The following TAFA4 variants were observed in gnomAD, a reference collection of about 807,000 sequenced individuals.
TAFA4 encodes chemokine-like protein TAFA-4.
TAFA4 carries 20 observed loss-of-function variants against 21.1 expected under a neutral mutation model. The observed-to-expected ratio is 0.95, with a 90% CI of 0.67 to 1.38. The LOEUF is 1.38. Among genes scored for constraint, TAFA4 ranks in the 40% most tolerant of loss-of-function variants. The pLI is 0.00. For synonymous variants in TAFA4, 71 were observed against 67.4 expected, an observed-to-expected ratio of 1.05 and a Z score of -0.26; for missense variants, 211 against 180.9, an observed-to-expected ratio of 1.17 and a Z score of -0.95.
chr3:68,931,996 T>A (rs2090163863), intron 1 of TAFA4, among the ~76,000 whole-genome samples: 1 of 151,978 alleles, frequency 6.6e-6, no homozygotes, highest in Non-Finnish European at 1.5e-5. Flanking sequence ...GGCCGCTGCC[T>A]CTCTCCAGCC....
chr3:68,829,582 C>T (rs545446394), intron 3 of TAFA4, among the ~76,000 whole-genome samples: 5 of 152,120 alleles, frequency 3.3e-5, no homozygotes, highest in South Asian at 2.1e-4. Flanking sequence ...CTGCTGGATT[C>T]GGTTTGCCAG....
intron 1 of TAFA4, among the ~76,000 whole-genome samples, chr3:68,910,479 T>C (rs2089951103): frequency 6.6e-6 from 1 of 152,062 alleles, no homozygotes; most frequent in Non-Finnish European, 1.5e-5. Flanking sequence ...CAACAACAAA[T>C]ATAGTAAGAT....
chr3:68,875,928 A>AAG (rs554609041), intron 3 of TAFA4, among the ~76,000 whole-genome samples: 7 of 151,962 alleles, frequency 4.6e-5, no homozygotes, highest in African/African-American at 1.5e-4. Flanking sequence ...AAAAAAAAAA[A>AAG]AGAGAGAGAG....
intron 3 of TAFA4, among the ~76,000 whole-genome samples, chr3:68,831,439 C>T (rs1032611639): frequency 1.3e-4 from 20 of 152,156 alleles, no homozygotes; most frequent in Non-Finnish European, 2.9e-4. Flanking sequence ...TTCTCCTTCA[C>T]TTATGAAGCT....
rs186662782 is a variant in TAFA4 at position 68,862,103 on chromosome 3, G to A, written c.130+18627C>T. Among the ~76,000 whole-genome samples the A allele has an allele frequency of 3.0e-4, 46 of 151,890 alleles. 1 individual carries two copies. The highest frequency in any genetic ancestry group is 3.3e-4 in the Admixed American group (5 of 15,256). ...ACAGCTTCCCAAGTGACCACCACAC[G>A]CTTTCCCTGTGGGGAAATAGTTTTC... is the stretch of plus-strand genomic sequence containing the variant. On this transcript the variant is annotated intron_variant, in intron 3 of 5. Transcript: ENST00000295569.
Position 68,824,079 on chromosome 3 carries a change from C to T in TAFA4, c.130+56651G>A, listed in dbSNP as rs112160428. On this transcript the variant is annotated intron_variant, in intron 3 of 5. Transcript: ENST00000295569. ...ATGCCACAGTGATCATACCCAAGTA[C>T]CAGGAAGGAAGCTGAAAGCTGGAGA... Among the ~76,000 whole-genome samples the T allele has an allele frequency of 7.7e-4, 117 of 152,252 alleles. 1 individual carries two copies. The highest frequency in any genetic ancestry group is 2.6e-3 in the African/African-American group (110 of 41,530).
At chr3:68,820,492 A>G (rs978901765) in intron 3 of TAFA4, among the ~76,000 whole-genome samples, 2 of 152,048 alleles carry the variant, frequency 1.3e-5, no homozygotes, top group African/African-American at 2.4e-5. Flanking sequence ...CCTGAACAAC[A>G]TAGTGAAACC....
intron 1 of TAFA4, among the ~76,000 whole-genome samples, chr3:68,897,344 T>A (rs1263198200): frequency 6.6e-6 from 1 of 151,688 alleles, no homozygotes; most frequent in Non-Finnish European, 1.5e-5. Flanking sequence ...TCCTTATTTT[T>A]GGCCAGGTAC....
chr3:68,770,222 A>G (rs985083101), intron 3 of TAFA4, among the ~76,000 whole-genome samples: 1 of 152,248 alleles, frequency 6.6e-6, no homozygotes, highest in Non-Finnish European at 1.5e-5. Flanking sequence ...TTTGTCAAAA[A>G]TATCTCCCTC....
chr3:68,739,416 A>G (rs1445160328), intron 4 of TAFA4, among the ~76,000 whole-genome samples: 1 of 152,200 alleles, frequency 6.6e-6, no homozygotes, highest in African/African-American at 2.4e-5. Context: ...GAACGCAGAG[A>G]AAAGGGAATG....
At chr3:68,824,879 G>A (rs1209290093) in intron 3 of TAFA4, among the ~76,000 whole-genome samples, 5 of 152,126 alleles carry the variant, frequency 3.3e-5, no homozygotes, top group African/African-American at 7.2e-5. Context: ...CATTTTACGC[G>A]TACGGGATTT....
chr3:68,815,045 C>G (rs1276398456), intron 3 of TAFA4, among the ~76,000 whole-genome samples: 6 of 152,022 alleles, frequency 3.9e-5, no homozygotes, highest in African/African-American at 1.4e-4. Flanking sequence ...ACAAACCTGA[C>G]AAAAACAAGA....
chr3:68,744,611 G>A lies in TAFA4; in HGVS notation c.287-5412C>T, dbSNP rs560443773. Among the ~76,000 whole-genome samples, 9 of 152,284 alleles carry A rather than the reference G, an allele frequency of 5.9e-5. No individual in the cohort carries two copies. The South Asian group carries it at 1.9e-3, about 32-fold the overall frequency. On this transcript the variant is annotated intron_variant, in intron 4 of 5. Coordinates refer to ENST00000295569, the MANE Select transcript of TAFA4 (RefSeq NM_182522.5). ...GTCAGCACTTACTTACTGAACCCAT[G>A]GGGACACAAGGTACTTCTGATGCCA...
At chr3:68,842,234 C>A (rs917543490) in intron 3 of TAFA4, among the ~76,000 whole-genome samples, 1 of 152,192 alleles carries the variant, frequency 6.6e-6, no homozygotes, top group Non-Finnish European at 1.5e-5. Context: ...TTAATGATCA[C>A]CATTCTAACT....
chr3:68,822,790 C>A (rs562040928), intron 3 of TAFA4, among the ~76,000 whole-genome samples: 2 of 152,088 alleles, frequency 1.3e-5, no homozygotes, highest in African/African-American at 4.8e-5. Context: ...TCTTATCATG[C>A]CATTTCTTTC....
At chr3:68,861,840 C>G (rs1559546515) in intron 3 of TAFA4, among the ~76,000 whole-genome samples, 1 of 152,070 alleles carries the variant, frequency 6.6e-6, no homozygotes, top group East Asian at 1.9e-4. Flanking sequence ...GAAATGCACA[C>G]TGAGAAGACG....
chr3:68,830,901 G>C (rs1020276763), intron 3 of TAFA4, among the ~76,000 whole-genome samples: 2 of 152,176 alleles, frequency 1.3e-5, no homozygotes, highest in African/African-American at 4.8e-5. Context: ...ATTTAGGATA[G>C]TTAGCTCTTC....
rs565928869 is a variant in TAFA4 at position 68,732,909 on chromosome 3, C to G, written c.*233G>C. The G allele has an allele frequency of 2.4e-4, 127 of 533,134 alleles. No individual in the cohort carries two copies. In the African/African-American group the frequency reaches 2.4e-3, roughly 10 times the overall value. The allele number at this position is 533,134 out of a possible 1,614,324, so 33.0% of individuals were successfully genotyped here. A position where few individuals can be genotyped will look rare whatever the true frequency, so the allele number is the denominator to read the frequency against. On this transcript the variant is annotated 3_prime_UTR_variant, in exon 6 of 6. Coordinates refer to ENST00000295569, the MANE Select transcript of TAFA4 (RefSeq NM_182522.5). Reference sequence around the variant, plus strand: ...TTTGGAGGTATGCTCCTTGGGAATCCAGAGAGGATGTCAAATGGGTGGTGG... The same window carrying G: ...TTTGGAGGTATGCTCCTTGGGAATCGAGAGAGGATGTCAAATGGGTGGTGG...
In TAFA4 at chr3:68,884,700, A is replaced by G. The variant is rs1251424481; in HGVS notation, c.14+475T>C. On this transcript the variant is annotated intron_variant, in intron 2 of 5. Transcript: ENST00000295569. ...TTTCTGTTTTCCTGGTTGGATTCCA[A>G]CAACAAATGCCTTAAATCAAAAGTC... 2.6e-5 allele frequency among the ~76,000 whole-genome samples: 4 copies of G among 152,380 alleles called. No individual in the cohort carries two copies. In the East Asian group the frequency reaches 7.7e-4, roughly 29 times the overall value.
Sources: allele counts gnomAD v4.1 joint callset (sites outside exome capture counted in the v4.1 genomes callset), GRCh38; gene constraint gnomAD v4.1.1; transcripts MANE v1.5; gene names NCBI Gene and HGNC (gene_info 2026-07-23, HGNC 2026-07-21).